Variants in ACVR2B observed in about 807,000 individuals in gnomAD.
ACVR2B encodes the protein activin receptor type-2B.
ACVR2B carries 18 observed loss-of-function variants against 65.1 expected under a neutral mutation model. The observed-to-expected ratio is 0.28, with a 90% CI of 0.19 to 0.41. The LOEUF is 0.41. ACVR2B is among the 10% of genes least tolerant of loss of function. ACVR2B has a pLI of 1.00. For missense variants in ACVR2B, 482 were observed against 682.7 expected, an observed-to-expected ratio of 0.71 and a Z score of 3.28; for synonymous variants, 298 against 277.7, an observed-to-expected ratio of 1.07 and a Z score of -0.73.
At chr3:38,478,052 G>T in intron 3 of ACVR2B, 82 bp downstream of exon 3, 8 of 1,595,740 alleles carry the variant, frequency 5.0e-6, no homozygotes, top group Non-Finnish European at 6.9e-6. Flanking sequence ...CCTCAGTTGG[G>T]TGGGGTGTGG....
At chr3:38,461,567 C>A (rs1474600669) in intron 1 of ACVR2B, among the ~76,000 whole-genome samples, 1 of 152,028 alleles carries the variant, frequency 6.6e-6, no homozygotes, top group Admixed American at 6.5e-5. Context: ...AGAAGGAGGG[C>A]CAGGGCAATG....
In ACVR2B at chr3:38,493,084, T is replaced by C. The variant is rs915590208; in HGVS notation, c.*9752T>C. ...TACACCCCAACAATAGGAGGAAAAATCTAGAACTATTTCAAGTTTTATCTT... is the reference window on the plus strand; with the variant it reads ...TACACCCCAACAATAGGAGGAAAAACCTAGAACTATTTCAAGTTTTATCTT... On this transcript the variant is annotated 3_prime_UTR_variant, in exon 11 of 11. Transcript: ENST00000352511. 3 of 152,502 alleles carry C rather than the reference T, an allele frequency of 2.0e-5. No homozygotes were observed. Among genetic ancestry groups the C allele is most frequent in the African/African-American group, 7.2e-5 (3 of 41,408 alleles). 9.4% of individuals were successfully genotyped at this position (152,502 alleles called of 1,614,324 possible). A position where few individuals can be genotyped will look rare whatever the true frequency, so the allele number is the denominator to read the frequency against.
rs1252700148 is a variant in ACVR2B, at chr3:38,484,819, A to T, written c.*1487A>T. On this transcript the variant is annotated 3_prime_UTR_variant, in exon 11 of 11. Transcript: ENST00000352511. ...AGAATTTTCTACTTATGTAAGGTTT[A>T]TTATATATTTTGTTAGTTGTGTTGT... is the stretch of plus-strand genomic sequence containing the variant. 1 of 152,666 alleles carries T rather than the reference A, an allele frequency of 6.6e-6. No homozygotes were observed. Among genetic ancestry groups the T allele is most frequent in the Admixed American group, 6.5e-5 (1 of 15,280 alleles). 9.5% of individuals were successfully genotyped at this position (152,666 alleles called of 1,614,324 possible). A position where few individuals can be genotyped will look rare whatever the true frequency, so the allele number is the denominator to read the frequency against.
chr3:38,478,605 C>T, intron 5 of ACVR2B, 87 bp downstream of exon 5: 1 of 1,564,700 alleles, frequency 6.4e-7, no homozygotes, highest in Non-Finnish European at 8.8e-7. Context: ...AATCCAAACC[C>T]CAAATAATAT....
chr3:38,481,282 T>TTTA lies in ACVR2B; in HGVS notation c.960-69_960-68insTTA. ...CCTGACTCTAGGGCACAGACTCTAG[T>TTTA]ATCTTGGGAACCAAGGTGGGAGTTG... On this transcript the variant is annotated intron_variant, in intron 7 of 10. Coordinates refer to ENST00000352511, the MANE Select transcript of ACVR2B (RefSeq NM_001106.4). The surrounding 1 kb of genome is among the most constrained non-coding windows in gnomAD (Gnocchi z 4.7). The TTTA allele has an allele frequency of 7.5e-7, 1 of 1,333,388 alleles. No individual in the cohort carries two copies. The highest frequency in any genetic ancestry group is 1.1e-6 in the Non-Finnish European group (1 of 925,992). The allele number at this position is 1,333,388 out of a possible 1,614,324, so 82.6% of individuals were successfully genotyped here.
intron 1 of ACVR2B, among the ~76,000 whole-genome samples, chr3:38,461,145 A>G (rs920672884): frequency 1.1e-4 from 16 of 152,164 alleles, no homozygotes; most frequent in African/African-American, 3.9e-4. Flanking sequence ...CAGTGTTTTC[A>G]GGTATGAGGA....
intron 10 of ACVR2B, 58 bp downstream of exon 10, chr3:38,482,618 G>C: frequency 6.3e-7 from 1 of 1,587,836 alleles, no homozygotes; most frequent in Non-Finnish European, 8.6e-7. Context: ...AACCCTTCAT[G>C]TGTAGCAGGT....
intron 1 of ACVR2B, among the ~76,000 whole-genome samples, chr3:38,456,631 G>T (rs1709554870): frequency 2.6e-5 from 4 of 152,248 alleles, no homozygotes; most frequent in African/African-American, 7.2e-5. Context: ...TGCTGGCATG[G>T]TTGGGTTCTG....
chr3:38,461,067 C>T (rs1709637910), intron 1 of ACVR2B, among the ~76,000 whole-genome samples: 1 of 152,192 alleles, frequency 6.6e-6, no homozygotes, highest in Non-Finnish European at 1.5e-5. Flanking sequence ...AGGAGACTAA[C>T]TTGGAAGCTG....
chr3:38,455,397 C>T (rs1047848004), intron 1 of ACVR2B, among the ~76,000 whole-genome samples: 10 of 152,122 alleles, frequency 6.6e-5, no homozygotes, highest in African/African-American at 2.4e-4. Context: ...TCCCAGCCCC[C>T]ATTACACATG....
intron 1 of ACVR2B, among the ~76,000 whole-genome samples, chr3:38,472,560 CCTT>C (rs1213020564): frequency 1.3e-5 from 2 of 152,112 alleles, no homozygotes; most frequent in African/African-American, 4.8e-5. Flanking sequence ...GAGTGGCACT[CCTT>C]CTCACCACTA....
intron 1 of ACVR2B, among the ~76,000 whole-genome samples, chr3:38,468,126 C>T (rs989944422): frequency 6.6e-6 from 1 of 152,134 alleles, no homozygotes; most frequent in Non-Finnish European, 1.5e-5. Flanking sequence ...GCAGTCTGCC[C>T]GTGTCAGCCT....
intron 1 of ACVR2B, chr3:38,475,819 C>G (rs548852353): frequency 6.5e-6 from 1 of 153,542 alleles, no homozygotes; most frequent in South Asian, 2.1e-4. Flanking sequence ...AGGCTGATGG[C>G]GAAGTAGGGC....
chr3:38,467,113 C>T (rs1349729971), intron 1 of ACVR2B, among the ~76,000 whole-genome samples: 1 of 152,162 alleles, frequency 6.6e-6, no homozygotes, highest in African/African-American at 2.4e-5. Flanking sequence ...GCTATCATCT[C>T]TAGGGTAACC....
chr3:38,477,458 A>G lies in ACVR2B; in HGVS notation c.224A>G (p.Lys75Arg). ...TCTGGCACCATCGAGCTCGTGAAGA[A>G]GGGCTGCTGGCTAGATGACTTCAAC... ...NSSGTIELVKKGCWLDDFNCY... is the reference protein window; with the variant it reads ...NSSGTIELVKRGCWLDDFNCY... Residue 75 changes from lysine (K) to arginine (R), a missense_variant, in exon 2 of 11, where the codon AAG (lysine) becomes AGG (arginine). By Grantham distance (26) the Lys-to-Arg change is conservative. Transcript: ENST00000352511. This position sits in a 1 kb window ranked among gnomAD's most constrained non-coding sequence, Gnocchi z 6.7. 1 of 1,614,148 alleles carries G rather than the reference A, an allele frequency of 6.2e-7. No homozygotes were observed. The highest frequency in any genetic ancestry group is 8.5e-7 in the Non-Finnish European group (1 of 1,179,992).
At position 38,489,275 on chromosome 3, in the gene ACVR2B, T is replaced by A. The variant is rs531877307; in HGVS notation, c.*5943T>A. The A allele has an allele frequency of 1.3e-5, 2 of 152,800 alleles. No homozygotes were observed. Among genetic ancestry groups the A allele is most frequent in the East Asian group, 3.9e-4 (2 of 5,184 alleles). 9.5% of individuals were successfully genotyped at this position (152,800 alleles called of 1,614,324 possible). ...CGATAGTTCTACATATATATTTAGT[T>A]ATATCACTTGACAGATTTCTTCTAC... On this transcript the variant is annotated 3_prime_UTR_variant, in exon 11 of 11. Transcript: ENST00000352511.
At position 38,478,411 on chromosome 3, in the gene ACVR2B, C is replaced by A; in HGVS notation, c.559C>A (p.Leu187Met). 1 of 1,614,144 alleles carries A rather than the reference C, an allele frequency of 6.2e-7. No homozygotes were observed. The highest frequency in any genetic ancestry group is 8.5e-7 in the Non-Finnish European group (1 of 1,180,022). The change falls in exon 5 of 11, where the codon CTG (leucine) becomes ATG (methionine). Residue 187 changes from leucine to methionine, a missense_variant. Transcript: ENST00000352511. ...GPPPPSPLVGLKPLQLLEIKA... is the reference protein window; with the variant it reads ...GPPPPSPLVGMKPLQLLEIKA... Reference sequence around the variant, plus strand: ...TCCACCACCATCCCCTCTGGTGGGCCTGAAGCCACTGCAGCTGCTGGAGAT... The same window carrying A: ...TCCACCACCATCCCCTCTGGTGGGCATGAAGCCACTGCAGCTGCTGGAGAT...
chr3:38,475,287 C>A (rs1460682305), intron 1 of ACVR2B: 1 of 152,274 alleles, frequency 6.6e-6, no homozygotes, highest in Non-Finnish European at 1.5e-5. Context: ...GCTGGGGAAG[C>A]CAGTGTGTAC....
At position 38,482,820 on chromosome 3, in the gene ACVR2B, A is replaced by G. The variant is rs7373828; in HGVS notation, c.1344+260A>G. On this transcript the variant is annotated intron_variant, in intron 10 of 10. Coordinates refer to ENST00000352511, the MANE Select transcript of ACVR2B (RefSeq NM_001106.4). ...AATAAGATTTTGTTTGAATATCAGCACTTCAAGGCAAGTAGTGGTGTCTAT... is the reference window on the plus strand; with the variant it reads ...AATAAGATTTTGTTTGAATATCAGCGCTTCAAGGCAAGTAGTGGTGTCTAT... Among the ~76,000 whole-genome samples, 69,845 of 151,858 alleles carry G rather than the reference A, an allele frequency of 0.46. 17,408 individuals are homozygous for G. Among genetic ancestry groups the G allele is most frequent in the Non-Finnish European group, 0.57 (38,916 of 67,922 alleles).
Sources: allele counts gnomAD v4.1 joint callset (sites outside exome capture counted in the v4.1 genomes callset), GRCh38; gene constraint gnomAD v4.1.1; non-coding constraint Gnocchi (gnomAD v3.1); transcripts MANE v1.5; gene names NCBI Gene and HGNC (gene_info 2026-07-23, HGNC 2026-07-21).